AFP: variants seen among roughly 807,000 people sequenced by gnomAD.
AFP encodes alpha-fetoprotein.
Under a neutral mutation model 78.9 loss-of-function variants are expected in AFP, and 64 were observed. The observed-to-expected ratio is 0.81, with a 90% CI of 0.66 to 1.00. The LOEUF (loss-of-function observed/expected upper bound fraction) is 1.00. AFP is among the 50% of genes least tolerant of loss of function. AFP has a pLI of 0.00. For synonymous variants in AFP, 254 were observed against 243.8 expected (o/e 1.04, Z -0.39); for missense variants, 689 against 703.8 (o/e 0.98, Z 0.24).
At chr4:73,448,997 T>G (rs926212369) in intron 8 of AFP, among the ~76,000 whole-genome samples, 1 of 152,184 alleles carries the variant, frequency 6.6e-6, no homozygotes, top group Non-Finnish European at 1.5e-5. Flanking sequence ...GGTATTTATC[T>G]TAGACATCAT....
chr4:73,452,903 G>A (rs190427333), intron 12 of AFP, among the ~76,000 whole-genome samples: 1 of 152,276 alleles, frequency 6.6e-6, no homozygotes, highest in East Asian at 1.9e-4. Flanking sequence ...AGGAAAAGTG[G>A]GCAATCTATT....
At chr4:73,440,917 T>C (rs1417094876) in intron 4 of AFP, 104 bp downstream of exon 4, 2 of 1,090,612 alleles carry the variant, frequency 1.8e-6, no homozygotes, top group Non-Finnish European at 2.6e-6. Flanking sequence ...GTAAGAGGTA[T>C]AATGTTTCTT....
At chr4:73,438,082 A>G in intron 2 of AFP, 92 bp from the exon 3 acceptor site, 1 of 1,548,504 alleles carries the variant, frequency 6.5e-7, no homozygotes, top group Non-Finnish European at 8.8e-7. Context: ...ACATAAATAG[A>G]AAACAAAACA....
At chr4:73,437,258 T>C (rs1719535028) in intron 2 of AFP, 47 bp downstream of exon 2, 1 of 1,475,722 alleles carries the variant, frequency 6.8e-7, no homozygotes, top group East Asian at 2.3e-5. Context: ...AAAGCAAGGA[T>C]AAGTAAATAC....
chr4:73,442,837 G>A (rs147735605), intron 5 of AFP, among the ~76,000 whole-genome samples: 1 of 152,116 alleles, frequency 6.6e-6, no homozygotes, highest in Non-Finnish European at 1.5e-5. Context: ...TGAGGTGTAA[G>A]TATTTTTGTC....
chr4:73,443,514 T>C (rs1719735091), intron 6 of AFP, 70 bp downstream of exon 6: 2 of 1,221,904 alleles, frequency 1.6e-6, no homozygotes, highest in Non-Finnish European at 2.4e-6. Flanking sequence ...TTGGGTTCGT[T>C]TTTTTAATTG....
In AFP at chr4:73,438,159, G is replaced by T; in HGVS notation, c.138-15G>T. On this transcript the variant is annotated splice_polypyrimidine_tract_variant and intron_variant, in intron 2 of 14. Transcript: ENST00000395792. The stretch of plus-strand genomic sequence containing the variant: ...AGGTCTGTTCCTTAAGGATTCACAC[G>T]TATTTTTGTTTCAGGGCTACCATAT... 1 of 1,612,872 alleles carries T rather than the reference G, an allele frequency of 6.2e-7. No individual in the cohort carries two copies. Among genetic ancestry groups the T allele is most frequent in the South Asian group, 1.1e-5 (1 of 91,050 alleles).
At chr4:73,451,144 A>G (rs1299469722) in intron 11 of AFP, among the ~76,000 whole-genome samples, 4 of 152,238 alleles carry the variant, frequency 2.6e-5, no homozygotes, top group Non-Finnish European at 5.9e-5. Flanking sequence ...TTGATTGATT[A>G]AAATTAGTCA....
At chr4:73,438,082 A>T in intron 2 of AFP, 92 bp from the exon 3 acceptor site, 1 of 1,548,504 alleles carries the variant, frequency 6.5e-7, no homozygotes, top group Non-Finnish European at 8.8e-7. Context: ...ACATAAATAG[A>T]AAACAAAACA....
At position 73,447,616 on chromosome 4, in the gene AFP, T is replaced by G; in HGVS notation, c.998T>G (p.Phe333Cys). The part of the protein sequence containing the change: ...PEGLSPNLNR[F>C]LGDRDFNQFS... The stretch of plus-strand genomic sequence containing the variant: ...GGTCTATCTCCAAATCTAAACAGGT[T>G]TTTAGGAGATAGAGATTTTAACCAA... The change falls in exon 8 of 15, where the codon TTT becomes TGT. Residue 333 changes from phenylalanine (F) to cysteine (C), a missense_variant. Transcript: ENST00000395792. 1 of 1,611,854 alleles carries G rather than the reference T, an allele frequency of 6.2e-7. No homozygotes were observed. Among genetic ancestry groups the G allele is most frequent in the Non-Finnish European group, 8.5e-7 (1 of 1,179,606 alleles).
At chr4:73,439,663 C>T (rs2149333162) in intron 3 of AFP, among the ~76,000 whole-genome samples, 1 of 152,230 alleles carries the variant, frequency 6.6e-6, no homozygotes. Flanking sequence ...ACATGAAACA[C>T]ATGTATTCCT....
At chr4:73,449,234 A>G in intron 8 of AFP, 101 bp from the exon 9 acceptor site, 1 of 1,066,102 alleles carries the variant, frequency 9.4e-7, no homozygotes, top group Non-Finnish European at 1.4e-6. Flanking sequence ...ATTTGAATTT[A>G]ACTTCCACAT....
intron 4 of AFP, 95 bp downstream of exon 4, chr4:73,440,908 T>G: frequency 1.8e-6 from 2 of 1,139,360 alleles, no homozygotes; most frequent in Non-Finnish European, 2.5e-6. Context: ...GTACTCCCAG[T>G]AAGAGGTATA....
At chr4:73,440,413 G>A (rs915095877) in intron 3 of AFP, among the ~76,000 whole-genome samples, 189 bp from the exon 4 acceptor site, 1 of 152,128 alleles carries the variant, frequency 6.6e-6, no homozygotes, top group Non-Finnish European at 1.5e-5. Context: ...GGACATTAAA[G>A]TCTCATTTTC....
At position 73,440,778 on chromosome 4, in the gene AFP, A is replaced by G. The variant is rs1039534359; in HGVS notation, c.447A>G (p.Glu149=). 6.2e-7 allele frequency: 1 copy of G among 1,614,058 alleles called. No individual in the cohort carries two copies. The change falls in exon 4 of 15, where the codon GAA becomes GAG. Residue 149 remains glutamate (E), a synonymous_variant. Transcript: ENST00000395792. Reference sequence around the variant, plus strand: ...TTCCAGAACCTGTCACAAGCTGTGAAGCATATGAAGAAGACAGGGAGACAT... The same window carrying G: ...TTCCAGAACCTGTCACAAGCTGTGAGGCATATGAAGAAGACAGGGAGACAT... ...FQVPEPVTSC[E]AYEEDRETFM...
Position 73,455,909 on chromosome 4 carries a change from G to C in AFP, c.*289G>C. On this transcript the variant is annotated 3_prime_UTR_variant, in exon 15 of 15. Coordinates refer to ENST00000395792, the MANE Select transcript of AFP (RefSeq NM_001134.3). ...TTATAGGAGATTAAAGCTATCCAAGGATGGATTTACAGCACTAGATCACTT... is the reference window on the plus strand; with the variant it reads ...TTATAGGAGATTAAAGCTATCCAAGCATGGATTTACAGCACTAGATCACTT... 1.1e-5 allele frequency: 5 copies of C among 453,674 alleles called. No individual in the cohort carries two copies. The highest frequency in any genetic ancestry group is 2.0e-5 in the African/African-American group (1 of 48,892). The allele number at this position is 453,674 out of a possible 1,614,324, so 28.1% of individuals were successfully genotyped here.
At position 73,450,407 on chromosome 4, in the gene AFP, C is replaced by T. The variant is rs185947670; in HGVS notation, c.1290-208C>T. On this transcript the variant is annotated intron_variant, in intron 10 of 14. Coordinates refer to ENST00000395792, the MANE Select transcript of AFP (RefSeq NM_001134.3). ...GGCTTCCTCCTGGAGTTTGCTTTTTCATTGTGATATGCTTCTATAATAGGA... is the reference window on the plus strand; with the variant it reads ...GGCTTCCTCCTGGAGTTTGCTTTTTTATTGTGATATGCTTCTATAATAGGA... The T allele has an allele frequency of 4.8e-5, 34 of 706,690 alleles. No homozygotes were observed. In the African/African-American group the frequency reaches 5.2e-4, roughly 11 times the overall value. The allele number at this position is 706,690 out of a possible 1,614,324, so 43.8% of individuals were successfully genotyped here.
chr4:73,441,595 T>A (rs1577952878), intron 4 of AFP, among the ~76,000 whole-genome samples: 1 of 149,228 alleles, frequency 6.7e-6, no homozygotes, highest in East Asian at 2.0e-4. Flanking sequence ...AAGGATGTTG[T>A]GGAAACATGT....
At position 73,453,565 on chromosome 4, in the gene AFP, C is replaced by T. The variant is rs575311026; in HGVS notation, c.1653-200C>T. Reference sequence around the variant, plus strand: ...AGTGTTTTATCCACAACCTGCACAACTCCAGGCTGGTGGAACACTTGGCAT... The same window carrying T: ...AGTGTTTTATCCACAACCTGCACAATTCCAGGCTGGTGGAACACTTGGCAT... On this transcript the variant is annotated intron_variant, in intron 12 of 14. Coordinates refer to ENST00000395792, the MANE Select transcript of AFP (RefSeq NM_001134.3). The T allele has an allele frequency of 8.6e-4, 529 of 614,014 alleles. 7 individuals carry two copies. The South Asian group carries it at 9.3e-3, about 11-fold the overall frequency. The allele number at this position is 614,014 out of a possible 1,614,324, so 38.0% of individuals were successfully genotyped here.
Sources: allele counts gnomAD v4.1 joint callset (sites outside exome capture counted in the v4.1 genomes callset), GRCh38; gene constraint gnomAD v4.1.1; transcripts MANE v1.5; gene names NCBI Gene and HGNC (gene_info 2026-07-23, HGNC 2026-07-21).